GALNTL6: variants seen among roughly 807,000 people sequenced by gnomAD.
The protein encoded by GALNTL6 is polypeptide N-acetylgalactosaminyltransferase-like 6.
GALNTL6 carries 46 observed loss-of-function variants against 73.7 expected under a neutral mutation model. The observed-to-expected ratio is 0.62, with a 90% CI of 0.49 to 0.80. The LOEUF (loss-of-function observed/expected upper bound fraction) is 0.80, where lower values mean the gene tolerates loss of function less well. Among genes scored for constraint, GALNTL6 ranks in the 30% least tolerant of loss-of-function variants. The pLI, the probability that GALNTL6 is intolerant of heterozygous loss-of-function variation, is 0.00. For synonymous variants in GALNTL6, 259 were observed against 263.7 expected (o/e 0.98, Z 0.17); for missense variants, 604 against 755.0 (o/e 0.80, Z 2.34).
chr4:172,398,513 CA>C (rs1422550627), intron 5 of GALNTL6, among the ~76,000 whole-genome samples: 1 of 152,056 alleles, frequency 6.6e-6, no homozygotes, highest in African/African-American at 2.4e-5. Context: ...CTCTCCTTTT[CA>C]AAATAAGACT....
intron 5 of GALNTL6, among the ~76,000 whole-genome samples, chr4:172,739,885 G>C (rs1053644630): frequency 1.3e-4 from 20 of 151,590 alleles, no homozygotes; most frequent in African/African-American, 4.8e-4. Flanking sequence ...AAAAGGGACA[G>C]TTAGAAATAA....
intron 7 of GALNTL6, among the ~76,000 whole-genome samples, chr4:172,823,195 C>T (rs1170323096): frequency 6.6e-6 from 1 of 152,232 alleles, no homozygotes; most frequent in Non-Finnish European, 1.5e-5. Context: ...TACTCTTCCT[C>T]CTCCCTCCCT....
chr4:172,751,840 G>A (rs1428304143), intron 5 of GALNTL6, among the ~76,000 whole-genome samples: 1 of 152,150 alleles, frequency 6.6e-6, no homozygotes, highest in East Asian at 1.9e-4. Flanking sequence ...CTTTGCTAAC[G>A]ACTGTCTCTT....
chr4:172,916,771 T>C (rs989896849), intron 8 of GALNTL6, among the ~76,000 whole-genome samples: 2 of 144,388 alleles, frequency 1.4e-5, no homozygotes, highest in Non-Finnish European at 3.0e-5. Flanking sequence ...TGGAAGAACA[T>C]TCCCTGCTCA....
intron 2 of GALNTL6, among the ~76,000 whole-genome samples, chr4:172,167,928 C>T (rs533930648): frequency 1.4e-5 from 2 of 147,794 alleles, no homozygotes; most frequent in South Asian, 2.1e-4. Context: ...CACTGCAGTC[C>T]GCAGTCCGGC....
intron 2 of GALNTL6, among the ~76,000 whole-genome samples, chr4:171,901,960 G>C (rs915863899): frequency 6.6e-6 from 1 of 152,210 alleles, no homozygotes; most frequent in East Asian, 1.9e-4. Context: ...ACATAAAAGA[G>C]AGCAAAACTA....
chr4:172,283,147 AT>A (rs1423904754), intron 3 of GALNTL6, among the ~76,000 whole-genome samples: 1 of 152,186 alleles, frequency 6.6e-6, no homozygotes, highest in African/African-American at 2.4e-5. Flanking sequence ...ACAGATAGGA[AT>A]TTCATTTCTT....
chr4:172,250,423 C>T (rs1266256747), intron 3 of GALNTL6, among the ~76,000 whole-genome samples: 2 of 152,174 alleles, frequency 1.3e-5, no homozygotes, highest in African/African-American at 2.4e-5. Flanking sequence ...TGAAAAGGCA[C>T]GATTGTGTTT....
chr4:171,838,043 C>T (rs1735145509), intron 2 of GALNTL6, among the ~76,000 whole-genome samples: 1 of 151,902 alleles, frequency 6.6e-6, no homozygotes. Flanking sequence ...TCTCCCTTCA[C>T]TCTTTTGTTT....
At chr4:172,841,333 A>C (rs1159202477) in intron 7 of GALNTL6, among the ~76,000 whole-genome samples, 1 of 152,198 alleles carries the variant, frequency 6.6e-6, no homozygotes, top group Non-Finnish European at 1.5e-5. Flanking sequence ...TAACTGTTGC[A>C]ACAATTCTAC....
In GALNTL6 at chr4:171,946,318, G is replaced by T. The variant is rs1738700874; in HGVS notation, c.138+131600G>T. ...TAAAAAGTTAAGTCAGTAGAACAAT[G>T]ACTAAAATAGGAAAAGTACAAACAA... On this transcript the variant is annotated intron_variant, in intron 2 of 12. Coordinates refer to ENST00000506823, the MANE Select transcript of GALNTL6 (RefSeq NM_001034845.3). 2.0e-5 allele frequency among the ~76,000 whole-genome samples: 3 copies of T among 152,150 alleles called. No homozygotes were observed. The South Asian group carries it at 6.2e-4, about 32-fold the overall frequency.
chr4:172,185,579 A>G (rs1326682416), intron 2 of GALNTL6, among the ~76,000 whole-genome samples: 5 of 152,218 alleles, frequency 3.3e-5, no homozygotes, highest in Non-Finnish European at 7.4e-5. Context: ...ATCTTTTTTG[A>G]TAAATCATCT....
At chr4:172,132,592 T>C (rs544001530) in intron 2 of GALNTL6, among the ~76,000 whole-genome samples, 104 of 152,254 alleles carry the variant, frequency 6.8e-4, no homozygotes, top group African/African-American at 2.3e-3. Flanking sequence ...TATTCTCCCA[T>C]GTCCATTACT....
chr4:171,954,323 A>T (rs1409927151), intron 2 of GALNTL6, among the ~76,000 whole-genome samples: 1 of 152,218 alleles, frequency 6.6e-6, no homozygotes, highest in Non-Finnish European at 1.5e-5. Flanking sequence ...TTTCAAAAAA[A>T]CATTTTTGTA....
chr4:172,936,965 T>A (rs1579678630), intron 9 of GALNTL6, among the ~76,000 whole-genome samples: 1 of 152,078 alleles, frequency 6.6e-6, no homozygotes, highest in Admixed American at 6.5e-5. Flanking sequence ...CTCACCATAA[T>A]GTTTCTTCTA....
At chr4:172,425,888 C>G (rs1731211527) in intron 5 of GALNTL6, among the ~76,000 whole-genome samples, 1 of 151,846 alleles carries the variant, frequency 6.6e-6, no homozygotes, top group African/African-American at 2.4e-5. Flanking sequence ...CTGGAGTAGG[C>G]AAAGTTGTGG....
At chr4:173,005,749 C>T (rs1419861362) in intron 10 of GALNTL6, among the ~76,000 whole-genome samples, 1 of 152,156 alleles carries the variant, frequency 6.6e-6, no homozygotes, top group East Asian at 1.9e-4. Context: ...ATCCAGCTGC[C>T]TACCTTATCC....
chr4:172,041,547 T>C (rs1026666806), intron 2 of GALNTL6, among the ~76,000 whole-genome samples: 1 of 152,106 alleles, frequency 6.6e-6, no homozygotes, highest in African/African-American at 2.4e-5. Flanking sequence ...ATATCCTAAA[T>C]ATCTTAGTCC....
intron 10 of GALNTL6, among the ~76,000 whole-genome samples, chr4:173,002,627 T>C (rs981140680): frequency 2.6e-5 from 4 of 151,262 alleles, no homozygotes; most frequent in African/African-American, 9.7e-5. Flanking sequence ...ACCCTGTCTC[T>C]ACTAAAAATA....
Sources: allele counts gnomAD v4.1 joint callset (sites outside exome capture counted in the v4.1 genomes callset), GRCh38; gene constraint gnomAD v4.1.1; transcripts MANE v1.5; gene names NCBI Gene and HGNC (gene_info 2026-07-23, HGNC 2026-07-21).